PVT1: variants seen among roughly 807,000 people sequenced by gnomAD.
PVT1 encodes CXCR4/PVT1 fusion.
intron 2 of PVT1, among the ~76,000 whole-genome samples, chr8:127,804,397 C>T (rs1814502780): frequency 6.6e-6 from 1 of 151,952 alleles, no homozygotes; most frequent in Non-Finnish European, 1.5e-5. Context: ...TCTTTAACTC[C>T]CGGCTTCAAG....
rs371325676 is a variant in PVT1, at chr8:127,913,386, G to GC, written n.782+22391dup. Among the ~76,000 whole-genome samples, 386 of 152,322 alleles carry GC rather than the reference G, an allele frequency of 2.5e-3. 1 individual carries two copies. Among genetic ancestry groups the GC allele is most frequent in the African/African-American group, 9.0e-3 (374 of 41,570 alleles). On this transcript the variant is annotated intron_variant and non_coding_transcript_variant, in intron 3 of 10. Coordinates refer to ENST00000651587, the Ensembl canonical transcript of PVT1. ...CACCTAGCCTGATCCATTGACCTGG[G>GC]CCCAGTATAGGCCCTCCCATGTTGG... is the stretch of plus-strand genomic sequence containing the variant.
At chr8:127,960,709 A>G (rs1197628076) in intron 3 of PVT1, 1 of 515,086 alleles carries the variant, frequency 1.9e-6, no homozygotes, top group East Asian at 5.7e-5. Flanking sequence ...CATTTTTCAG[A>G]CACAAAAACT....
At chr8:128,072,203 A>T (rs1437793447) in intron 5 of PVT1, among the ~76,000 whole-genome samples, 1 of 152,204 alleles carries the variant, frequency 6.6e-6, no homozygotes, top group Non-Finnish European at 1.5e-5. Flanking sequence ...TGCGCCCCTC[A>T]TCAGTAGAAT....
chr8:127,804,039 T>A (rs1342689009), intron 2 of PVT1, among the ~76,000 whole-genome samples: 1 of 152,032 alleles, frequency 6.6e-6, no homozygotes, highest in Non-Finnish European at 1.5e-5. Context: ...TTATTTTTAA[T>A]TAACTGGGCT....
chr8:127,935,835 G>A lies in PVT1; in HGVS notation n.782+44837G>A, dbSNP rs186311101. ...AGTACGTGCTCTGATGATCTTGGCT[G>A]TAATGACCATCCTGGTTAGGGTGGA... On this transcript the variant is annotated intron_variant and non_coding_transcript_variant, in intron 3 of 10. Coordinates refer to ENST00000651587, the Ensembl canonical transcript of PVT1. 1.7e-3 allele frequency among the ~76,000 whole-genome samples: 263 copies of A among 152,238 alleles called. 1 individual carries two copies. The highest frequency in any genetic ancestry group is 5.9e-3 in the African/African-American group (246 of 41,542).
intron 3 of PVT1, among the ~76,000 whole-genome samples, chr8:127,933,723 C>T (rs1215767403): frequency 6.6e-6 from 1 of 152,162 alleles, no homozygotes; most frequent in Non-Finnish European, 1.5e-5. Context: ...TTGCTTGCTG[C>T]TTTCTCTGGG....
chr8:127,873,808 GTGTTGTCCA>G (rs1159886134), intron 2 of PVT1, among the ~76,000 whole-genome samples: 1 of 152,212 alleles, frequency 6.6e-6, no homozygotes, highest in Non-Finnish European at 1.5e-5. Flanking sequence ...CAATGATTCT[GTGTTGTCCA>G]TTTTTCCTTT....
At chr8:128,052,539 A>G (rs1043477441) in intron 4 of PVT1, among the ~76,000 whole-genome samples, 3 of 152,094 alleles carry the variant, frequency 2.0e-5, no homozygotes, top group Admixed American at 6.5e-5. Context: ...GGTTGTTCAA[A>G]TTGCTGTTTC....
At chr8:128,083,296 G>C (rs1196177175) in intron 5 of PVT1, among the ~76,000 whole-genome samples, 1 of 152,246 alleles carries the variant, frequency 6.6e-6, no homozygotes, top group Admixed American at 6.5e-5. Context: ...ATTGGCTGCA[G>C]ATGTGCTTGT....
intron 3 of PVT1, among the ~76,000 whole-genome samples, chr8:127,894,414 A>G (rs1252422547): frequency 6.6e-6 from 1 of 152,174 alleles, no homozygotes; most frequent in Non-Finnish European, 1.5e-5. Flanking sequence ...CCTTATGCAT[A>G]TGAACAAACT....
intron 4 of PVT1, among the ~76,000 whole-genome samples, chr8:128,064,388 T>C (rs975789032): frequency 6.6e-6 from 1 of 152,240 alleles, no homozygotes; most frequent in African/African-American, 2.4e-5. Context: ...CCATGCACCG[T>C]CATCTTTTCA....
chr8:127,878,826 T>C (rs1448763681), intron 2 of PVT1, among the ~76,000 whole-genome samples: 1 of 151,828 alleles, frequency 6.6e-6, no homozygotes, highest in Non-Finnish European at 1.5e-5. Context: ...CAGATGAGGG[T>C]GTTTGCCTTC....
intron 2 of PVT1, among the ~76,000 whole-genome samples, chr8:127,815,309 T>C (rs2129668690): frequency 6.6e-6 from 1 of 152,360 alleles, no homozygotes; most frequent in South Asian, 2.1e-4. Context: ...GTAGCCTGTG[T>C]CACAATTTTA....
chr8:127,884,770 G>A (rs770612316), intron 2 of PVT1, among the ~76,000 whole-genome samples: 2 of 152,208 alleles, frequency 1.3e-5, no homozygotes, highest in South Asian at 2.1e-4. Context: ...GGGAAATCCC[G>A]GTGTACAATG....
chr8:127,924,944 G>A (rs1338019000), intron 3 of PVT1, among the ~76,000 whole-genome samples: 4 of 152,066 alleles, frequency 2.6e-5, no homozygotes, highest in Admixed American at 6.6e-5. Flanking sequence ...CACGGTGCTC[G>A]GCCAACACAA....
intron 4 of PVT1, among the ~76,000 whole-genome samples, chr8:128,004,578 G>A (rs1261782449): frequency 6.6e-6 from 1 of 152,210 alleles, no homozygotes; most frequent in African/African-American, 2.4e-5. Flanking sequence ...TCAGATGGCT[G>A]TAGAGATGAA....
Position 127,874,551 on chromosome 8 carries a change from C to CAA in PVT1, n.373-16037_373-16036dup, listed in dbSNP as rs1221519255. 3.3e-5 allele frequency among the ~76,000 whole-genome samples: 5 copies of CAA among 152,238 alleles called. No individual in the cohort carries two copies. The East Asian group carries it at 9.6e-4, about 29-fold the overall frequency. On this transcript the variant is annotated intron_variant and non_coding_transcript_variant, in intron 2 of 10. Coordinates refer to ENST00000651587, the Ensembl canonical transcript of PVT1. ...TGCTATGGTTTTGTCACCTGTAACA[C>CAA]AAGTATGAGACTGGTACCTTCCTAG...
intron 2 of PVT1, among the ~76,000 whole-genome samples, chr8:127,843,782 T>C (rs934952343): frequency 1.3e-5 from 2 of 151,798 alleles, no homozygotes; most frequent in African/African-American, 4.8e-5. Context: ...GGGAATCCCT[T>C]GTCTTCCTGG....
At chr8:127,870,774 C>G (rs1331600670) in intron 2 of PVT1, among the ~76,000 whole-genome samples, 1 of 152,162 alleles carries the variant, frequency 6.6e-6, no homozygotes, top group African/African-American at 2.4e-5. Context: ...CCTCAGTGAC[C>G]TTACTTGCAA....
Sources: allele counts gnomAD v4.1 joint callset (sites outside exome capture counted in the v4.1 genomes callset), GRCh38; gene constraint gnomAD v4.1.1; transcripts MANE v1.5; gene names NCBI Gene and HGNC (gene_info 2026-07-23, HGNC 2026-07-21).